HOXC13: variants seen among roughly 807,000 people sequenced by gnomAD.
HOXC13 encodes homeobox C13.
In HOXC13, 10 loss-of-function variants were observed where a neutral mutation model predicts 25.9. That is an observed-to-expected ratio of 0.39 (90% CI 0.24 to 0.65). The LOEUF (loss-of-function observed/expected upper bound fraction) is 0.65. Among genes scored for constraint, HOXC13 ranks in the 30% least tolerant of loss-of-function variants. The pLI is 0.50. For missense variants in HOXC13, 439 were observed against 478.3 expected (o/e 0.92, Z 0.77); for synonymous variants, 233 against 217.1 (o/e 1.07, Z -0.64).
chr12:53,943,385 T>A lies in HOXC13; in HGVS notation c.737-1615T>A, dbSNP rs186749494. Among the ~76,000 whole-genome samples the A allele has an allele frequency of 9.6e-4, 145 of 151,764 alleles. 3 individuals are homozygous for A. The highest frequency in any genetic ancestry group is 1.9e-4 in the Non-Finnish European group (13 of 68,016). ...GTAAGAGTAAAACAAATTTGAGAACTGAGAGATTTAAAGATAATGGTCGTG... is the reference window on the plus strand; with the variant it reads ...GTAAGAGTAAAACAAATTTGAGAACAGAGAGATTTAAAGATAATGGTCGTG... On this transcript the variant is annotated intron_variant, in intron 1 of 1. Transcript: ENST00000243056.
chr12:53,942,102 T>C (rs1213339082), intron 1 of HOXC13, among the ~76,000 whole-genome samples: 1 of 142,586 alleles, frequency 7.0e-6, no homozygotes, highest in Non-Finnish European at 1.5e-5. Context: ...TTATACAGAC[T>C]CTTGCTTTAT....
chr12:53,940,905 G>A (rs1221518628), intron 1 of HOXC13, among the ~76,000 whole-genome samples: 1 of 152,084 alleles, frequency 6.6e-6, no homozygotes, highest in East Asian at 1.9e-4. Flanking sequence ...GGGTGGGCCT[G>A]AAATTCCTCT....
chr12:53,939,355 G>A lies in HOXC13; in HGVS notation c.449G>A (p.Gly150Asp), dbSNP rs562256926. The A allele has an allele frequency of 3.1e-6, 5 of 1,605,836 alleles. 1 individual carries two copies. In the South Asian group the frequency reaches 3.3e-5, roughly 11 times the overall value. The change falls in exon 1 of 2, where the codon GGC becomes GAC. Residue 150 changes from glycine (G) to aspartate (D), a missense_variant. Physicochemically the swap from Gly to Asp is moderately conservative, Grantham distance 94. Coordinates refer to ENST00000243056, the MANE Select transcript of HOXC13 (RefSeq NM_017410.3). The surrounding 1 kb of genome is among the most constrained non-coding windows in gnomAD (Gnocchi z 6.7). The stretch of plus-strand genomic sequence containing the variant: ...CAGAAGCCTTGCGCCTACCACCCGG[G>A]CGATAAATACCCGGAGCCGTCGGGC... The part of the protein sequence containing the change: ...LQQKPCAYHP[G>D]DKYPEPSGAL...
chr12:53,944,652 A>G (rs1938662203), intron 1 of HOXC13, among the ~76,000 whole-genome samples: 1 of 152,186 alleles, frequency 6.6e-6, no homozygotes, highest in South Asian at 2.1e-4. Context: ...GGCCTGAAAC[A>G]AAAGAAAATC....
chr12:53,942,360 G>C (rs1288764245), intron 1 of HOXC13, among the ~76,000 whole-genome samples: 1 of 128,564 alleles, frequency 7.8e-6, no homozygotes, highest in African/African-American at 2.9e-5. Context: ...TAGCAAGCTG[G>C]ATTTCTAGCT....
rs910812843 is a variant in HOXC13, at chr12:53,939,698, C to A, written c.736+56C>A. 54 of 1,287,282 alleles carry A rather than the reference C, an allele frequency of 4.2e-5. No individual in the cohort carries two copies. The highest frequency in any genetic ancestry group is 5.3e-5 in the Non-Finnish European group (54 of 1,016,266). The allele number at this position is 1,287,282 out of a possible 1,614,324, so 79.7% of individuals were successfully genotyped here. A position where few individuals can be genotyped will look rare whatever the true frequency, so the allele number is the denominator to read the frequency against. On this transcript the variant is annotated intron_variant, in intron 1 of 1. Transcript: ENST00000243056. The surrounding 1 kb of genome is among the most constrained non-coding windows in gnomAD (Gnocchi z 6.7). ...CGGGGACCCCTCCCCGCCCTGCCTGCCCCGGGGCTCCGCGCCCCAACCACC... is the reference window on the plus strand; with the variant it reads ...CGGGGACCCCTCCCCGCCCTGCCTGACCCGGGGCTCCGCGCCCCAACCACC...
Position 53,938,927 on chromosome 12 carries a change from G to A in HOXC13, c.21G>A (p.Leu7=). 2 of 1,559,540 alleles carry A rather than the reference G, an allele frequency of 1.3e-6. No individual in the cohort carries two copies. Among genetic ancestry groups the A allele is most frequent in the Admixed American group, 1.8e-5 (1 of 56,642 alleles). Residue 7 remains leucine, a synonymous_variant, in exon 1 of 2, where the codon CTG becomes CTA. Coordinates refer to ENST00000243056, the MANE Select transcript of HOXC13 (RefSeq NM_017410.3). ...ATGTCATGACGACTTCGCTGCTCCT[G>A]CATCCACGCTGGCCGGAGAGCCTTA... MTTSLL[L]HPRWPESLMY...
chr12:53,939,025 G>C lies in HOXC13; in HGVS notation c.119G>C (p.Gly40Ala). The C allele has an allele frequency of 6.8e-7, 1 of 1,480,762 alleles. No homozygotes were observed. 91.7% of individuals were successfully genotyped at this position (1,480,762 alleles called of 1,614,324 possible). A position where few individuals can be genotyped will look rare whatever the true frequency, so the allele number is the denominator to read the frequency against. Reference protein sequence around the residue: ...GGGGGGGGGTGGAGGGCSGAS... With the variant: ...GGGGGGGGGTAGAGGGCSGAS... Reference sequence around the variant, plus strand: ...GGCGGAGGAGGAGGCGGCGGCACGGGCGGAGCGGGGGGTGGCTGCAGCGGA... The same window carrying C: ...GGCGGAGGAGGAGGCGGCGGCACGGCCGGAGCGGGGGGTGGCTGCAGCGGA... Residue 40 changes from glycine to alanine, a missense_variant, in exon 1 of 2, where the codon GGC (glycine) becomes GCC (alanine). Gly to Ala is a moderately conservative substitution (Grantham distance 60). Coordinates refer to ENST00000243056, the MANE Select transcript of HOXC13 (RefSeq NM_017410.3). This position sits in a 1 kb window ranked among gnomAD's most constrained non-coding sequence, Gnocchi z 6.7.
rs1221710314 is a variant in HOXC13 at position 53,938,874 on chromosome 12, T to C, written c.-33T>C. The C allele has an allele frequency of 1.1e-5, 17 of 1,523,290 alleles. No individual in the cohort carries two copies. Among genetic ancestry groups the C allele is most frequent in the Admixed American group, 2.0e-5 (1 of 51,222 alleles). 94.4% of individuals were successfully genotyped at this position (1,523,290 alleles called of 1,614,324 possible). On this transcript the variant is annotated 5_prime_UTR_variant, in exon 1 of 2. Coordinates refer to ENST00000243056, the MANE Select transcript of HOXC13 (RefSeq NM_017410.3). The stretch of plus-strand genomic sequence containing the variant: ...TCCCTAGCTCGCTGCCTCTGGCAAG[T>C]GGAGTTTTTAAAAAGCTCCAGCAGA...
Position 53,938,989 on chromosome 12 carries a change from T to TCGG in HOXC13, c.96_98dup (p.Gly38dup), listed in dbSNP as rs34115456. 3.4e-4 allele frequency: 510 copies of TCGG among 1,505,410 alleles called. 2 individuals carry two copies. In the African/African-American group the frequency reaches 6.4e-3, roughly 19 times the overall value. 93.3% of individuals were successfully genotyped at this position (1,505,410 alleles called of 1,614,324 possible). ...GAGGACAGCGCGGCGGAGAGCGGCA[T>TCGG]CGGCGGCGGCGGCGGAGGAGGAGGC... On this transcript the variant is annotated inframe_insertion, in exon 1 of 2. Coordinates refer to ENST00000243056, the MANE Select transcript of HOXC13 (RefSeq NM_017410.3).
intron 1 of HOXC13, among the ~76,000 whole-genome samples, chr12:53,943,370 A>G (rs78414086): frequency 0.028 from 4,302 of 152,328 alleles, 179 homozygotes; most frequent in African/African-American, 0.097. Context: ...GTAAGAGTAA[A>G]ACAAATTTGA....
Position 53,939,133 on chromosome 12 carries a change from C to A in HOXC13, c.227C>A (p.Pro76His). Residue 76 changes from proline (P) to histidine (H), a missense_variant, in exon 1 of 2, where the codon CCC becomes CAC. Physicochemically the swap from Pro to His is moderately conservative, Grantham distance 77. Coordinates refer to ENST00000243056, the MANE Select transcript of HOXC13 (RefSeq NM_017410.3). The surrounding 1 kb of genome is among the most constrained non-coding windows in gnomAD (Gnocchi z 6.7). ...CACTGCCGCGACCTGCTTCCGCACC[C>A]CGTGCTGGGCCGCCCGCCGGCTCCC... is the stretch of plus-strand genomic sequence containing the variant. ...ASHCRDLLPH[P>H]VLGRPPAPLG... 6.8e-7 allele frequency: 1 copy of A among 1,464,984 alleles called. No homozygotes were observed. Among genetic ancestry groups the A allele is most frequent in the Admixed American group, 2.6e-5 (1 of 37,984 alleles). The allele number at this position is 1,464,984 out of a possible 1,614,324, so 90.7% of individuals were successfully genotyped here. A position where few individuals can be genotyped will look rare whatever the true frequency, so the allele number is the denominator to read the frequency against.
rs1327506226 is a variant in HOXC13, at chr12:53,939,403, C to T, written c.497C>T (p.Ser166Phe). ...GGCGCCCTGCCCGGTGACGACCTGT[C>T]CTCTAGGGCCAAGGAGTTCGCCTTC... ...PSGALPGDDL[S>F]SRAKEFAFYP... Residue 166 changes from serine (S) to phenylalanine (F), a missense_variant, in exon 1 of 2, where the codon TCC becomes TTC. Physicochemically the swap from Ser to Phe is radical, Grantham distance 155. Coordinates refer to ENST00000243056, the MANE Select transcript of HOXC13 (RefSeq NM_017410.3). This position sits in a 1 kb window ranked among gnomAD's most constrained non-coding sequence, Gnocchi z 6.7. 1 of 1,604,764 alleles carries T rather than the reference C, an allele frequency of 6.2e-7. No homozygotes were observed. Among genetic ancestry groups the T allele is most frequent in the Non-Finnish European group, 8.5e-7 (1 of 1,177,732 alleles).
At chr12:53,940,311 T>C (rs1371719958) in intron 1 of HOXC13, among the ~76,000 whole-genome samples, 1 of 152,180 alleles carries the variant, frequency 6.6e-6, no homozygotes, top group Non-Finnish European at 1.5e-5. Context: ...TTTCCTTGCC[T>C]CTTTGGTATA....
In HOXC13 at chr12:53,945,239, C is replaced by G. The variant is rs766224966; in HGVS notation, c.976C>G (p.His326Asp). 1.2e-6 allele frequency: 2 copies of G among 1,614,044 alleles called. No individual in the cohort carries two copies. Among genetic ancestry groups the G allele is most frequent in the Non-Finnish European group, 1.7e-6 (2 of 1,180,018 alleles). ...KKVVSKSKAP[H>D]LHST ...GGTGGTCAGCAAATCGAAAGCGCCT[C>G]ATCTCCACTCCACCTGACCACCCAC... The change falls in exon 2 of 2, where the codon CAT becomes GAT. Residue 326 changes from histidine to aspartate, a missense_variant. His to Asp is a moderately conservative substitution (Grantham distance 81). Coordinates refer to ENST00000243056, the MANE Select transcript of HOXC13 (RefSeq NM_017410.3). This position sits in a 1 kb window ranked among gnomAD's most constrained non-coding sequence, Gnocchi z 4.4.
In HOXC13 at chr12:53,939,404, C is replaced by T; in HGVS notation, c.498C>T (p.Ser166=). ...GCGCCCTGCCCGGTGACGACCTGTC[C>T]TCTAGGGCCAAGGAGTTCGCCTTCT... ...PSGALPGDDL[S]SRAKEFAFYP... The change falls in exon 1 of 2, where the codon TCC becomes TCT. Residue 166 remains serine, a synonymous_variant. Transcript: ENST00000243056. This position sits in a 1 kb window ranked among gnomAD's most constrained non-coding sequence, Gnocchi z 6.7. 1.2e-6 allele frequency: 2 copies of T among 1,605,660 alleles called. No homozygotes were observed. Among genetic ancestry groups the T allele is most frequent in the Non-Finnish European group, 1.7e-6 (2 of 1,178,062 alleles).
chr12:53,943,054 G>T (rs1938637285), intron 1 of HOXC13, among the ~76,000 whole-genome samples: 1 of 152,190 alleles, frequency 6.6e-6, no homozygotes. Flanking sequence ...CCAGGGAAAA[G>T]GAGGTGTTTT....
rs1352190825 is a variant in HOXC13 at position 53,945,472 on chromosome 12, C to CA, written c.*217dup. 18 of 598,716 alleles carry CA rather than the reference C, an allele frequency of 3.0e-5. No individual in the cohort carries two copies. The African/African-American group carries it at 3.3e-4, about 11-fold the overall frequency. The allele number at this position is 598,716 out of a possible 1,614,324, so 37.1% of individuals were successfully genotyped here. Reference sequence around the variant, plus strand: ...CCTCCACCCCCATCCAGATGGGACTCACGTGGCTTCAACAGCTTTGGAAAT... The same window carrying CA: ...CCTCCACCCCCATCCAGATGGGACTCAACGTGGCTTCAACAGCTTTGGAAAT... On this transcript the variant is annotated 3_prime_UTR_variant, in exon 2 of 2. Coordinates refer to ENST00000243056, the MANE Select transcript of HOXC13 (RefSeq NM_017410.3). The surrounding 1 kb of genome is among the most constrained non-coding windows in gnomAD (Gnocchi z 4.4).
chr12:53,939,428 C>G lies in HOXC13; in HGVS notation c.522C>G (p.Phe174Leu). The change falls in exon 1 of 2, where the codon TTC becomes TTG. Residue 174 changes from phenylalanine (F) to leucine (L), a missense_variant. Physicochemically the swap from Phe to Leu is conservative, Grantham distance 22 (BLOSUM62 0). Coordinates refer to ENST00000243056, the MANE Select transcript of HOXC13 (RefSeq NM_017410.3). This position sits in a 1 kb window ranked among gnomAD's most constrained non-coding sequence, Gnocchi z 6.7. The stretch of plus-strand genomic sequence containing the variant: ...CCTCTAGGGCCAAGGAGTTCGCCTT[C>G]TACCCCAGCTTCGCCAGCTCCTACC... ...DLSSRAKEFAFYPSFASSYQA... is the reference protein window; with the variant it reads ...DLSSRAKEFALYPSFASSYQA... 3 of 1,604,638 alleles carry G rather than the reference C, an allele frequency of 1.9e-6. No individual in the cohort carries two copies. Among genetic ancestry groups the G allele is most frequent in the Non-Finnish European group, 2.5e-6 (3 of 1,177,470 alleles).
Sources: allele counts gnomAD v4.1 joint callset (sites outside exome capture counted in the v4.1 genomes callset), GRCh38; gene constraint gnomAD v4.1.1; non-coding constraint Gnocchi (gnomAD v3.1); transcripts MANE v1.5; gene names NCBI Gene and HGNC (gene_info 2026-07-23, HGNC 2026-07-21).